GNPTAB: variants seen among roughly 807,000 people sequenced by gnomAD.
GNPTAB encodes the protein N-acetylglucosamine-1-phosphate transferase subunits alpha and beta, also known as N-acetylglucosamine-1-phosphotransferase subunits alpha/beta.
GNPTAB carries 92 observed loss-of-function variants against 136.6 expected under a neutral mutation model. That is an observed-to-expected ratio of 0.67 (90% CI 0.57 to 0.80). The LOEUF is 0.80. GNPTAB is among the 30% of genes least tolerant of loss of function. GNPTAB has a pLI of 0.00. For missense variants in GNPTAB, 1,343 were observed against 1,501.8 expected (o/e 0.89, Z 1.75); for synonymous variants, 512 against 535.1 (o/e 0.96, Z 0.60).
chr12:101,817,098 TTAGA>T (rs1004185878), intron 1 of GNPTAB, among the ~76,000 whole-genome samples: 65 of 150,400 alleles, frequency 4.3e-4, no homozygotes, highest in African/African-American at 1.6e-3. Context: ...ACAAAAATAG[TTAGA>T]TAGTCCTGGT....
chr12:101,828,700 CA>C (rs915738256), intron 1 of GNPTAB, among the ~76,000 whole-genome samples: 46 of 145,844 alleles, frequency 3.2e-4, no homozygotes, highest in African/African-American at 9.9e-4. Flanking sequence ...AAAAAACAAA[CA>C]AAAAAAAAAG....
chr12:101,762,021 T>A (rs1469424165), intron 13 of GNPTAB, among the ~76,000 whole-genome samples: 1 of 152,152 alleles, frequency 6.6e-6, no homozygotes, highest in African/African-American at 2.4e-5. Flanking sequence ...CAGTCACATA[T>A]GGAGGGTATT....
chr12:101,814,276 G>C (rs551925431), intron 1 of GNPTAB, among the ~76,000 whole-genome samples: 1 of 152,012 alleles, frequency 6.6e-6, no homozygotes, highest in Non-Finnish European at 1.5e-5. Context: ...TCCAGCCTGG[G>C]CAACGAGACT....
chr12:101,767,779 C>T (rs925721052), intron 11 of GNPTAB: 2 of 607,470 alleles, frequency 3.3e-6, no homozygotes, highest in South Asian at 2.0e-5. Flanking sequence ...TGCACCACCA[C>T]ACTTGGCTAA....
chr12:101,791,419 C>T (rs1868980890), intron 2 of GNPTAB, among the ~76,000 whole-genome samples: 1 of 150,452 alleles, frequency 6.6e-6, no homozygotes, highest in Non-Finnish European at 1.5e-5. Context: ...TTGTCTTGGG[C>T]CACACATAAA....
intron 2 of GNPTAB, among the ~76,000 whole-genome samples, chr12:101,792,971 G>A (rs1869076787): frequency 6.6e-6 from 1 of 152,070 alleles, no homozygotes; most frequent in African/African-American, 2.4e-5. Context: ...CTCAGGTAAT[G>A]CTGATGTTGC....
intron 1 of GNPTAB, among the ~76,000 whole-genome samples, chr12:101,801,471 T>C (rs1212577752): frequency 7.9e-6 from 1 of 126,150 alleles, no homozygotes; most frequent in Non-Finnish European, 1.6e-5. Context: ...GCCTAGGAGG[T>C]GGAAGTTGCA....
At chr12:101,815,552 C>A (rs1870472312) in intron 1 of GNPTAB, among the ~76,000 whole-genome samples, 1 of 150,868 alleles carries the variant, frequency 6.6e-6, no homozygotes, top group Non-Finnish European at 1.5e-5. Context: ...TTTGAGGCTG[C>A]AGTCTGCTAT....
At chr12:101,753,211 C>A (rs1952846222) in intron 19 of GNPTAB, among the ~76,000 whole-genome samples, 161 bp downstream of exon 19, 1 of 151,620 alleles carries the variant, frequency 6.6e-6, no homozygotes, top group Non-Finnish European at 1.5e-5. Context: ...TGAGGTTGCG[C>A]CATTGCACTC....
At chr12:101,788,729 A>T in intron 3 of GNPTAB, 140 bp from the exon 4 acceptor site, 2 of 662,292 alleles carry the variant, frequency 3.0e-6, no homozygotes, top group South Asian at 3.4e-5. Flanking sequence ...ATTTTCATGC[A>T]CTGGGAAAGT....
intron 1 of GNPTAB, chr12:101,810,631 G>C (rs1870180169): frequency 1.3e-5 from 2 of 151,432 alleles, no homozygotes; most frequent in South Asian, 4.2e-4. Context: ...TGGTGAATAA[G>C]ACAGAAAGGC....
intron 1 of GNPTAB, among the ~76,000 whole-genome samples, chr12:101,819,256 C>T (rs1870679256): frequency 1.3e-5 from 2 of 152,176 alleles, no homozygotes; most frequent in Non-Finnish European, 2.9e-5. Flanking sequence ...AGGTGATCCA[C>T]CTGCCCCGGC....
intron 18 of GNPTAB, among the ~76,000 whole-genome samples, chr12:101,755,000 T>C (rs1162321989): frequency 1.3e-5 from 2 of 152,190 alleles, no homozygotes; most frequent in Admixed American, 6.5e-5. Flanking sequence ...CACATAAGTC[T>C]TTATGAAAGT....
intron 1 of GNPTAB, among the ~76,000 whole-genome samples, chr12:101,817,265 C>CT (rs71438444): frequency 0.097 from 10,441 of 108,176 alleles, 1,066 homozygotes; most frequent in East Asian, 0.38. Flanking sequence ...TATCATTCCA[C>CT]TTTTTTTTTT....
chr12:101,769,151 C>A (rs182951233), intron 10 of GNPTAB, among the ~76,000 whole-genome samples: 144 of 152,246 alleles, frequency 9.5e-4, no homozygotes, highest in African/African-American at 2.3e-3. Flanking sequence ...TAACTTATCA[C>A]TGAACCCTTC....
At chr12:101,793,038 C>CT (rs1006410575) in intron 2 of GNPTAB, among the ~76,000 whole-genome samples, 6 of 152,140 alleles carry the variant, frequency 3.9e-5, no homozygotes, top group Non-Finnish European at 8.8e-5. Flanking sequence ...ACACACTTCG[C>CT]TTTTTTTCCC....
Position 101,757,623 on chromosome 12 carries a change from T to C in GNPTAB, c.3284A>G (p.Lys1095Arg). 1 of 1,585,814 alleles carries C rather than the reference T, an allele frequency of 6.3e-7. No homozygotes were observed. The highest frequency in any genetic ancestry group is 8.7e-7 in the Non-Finnish European group (1 of 1,154,452). The change falls in exon 17 of 21, where the codon AAA becomes AGA. Residue 1095 changes from lysine to arginine, a missense_variant. Transcript: ENST00000299314. ...PVTKSLVTNC[K>R]PVTDKIHKAY... ...TTTGTGGATTTTGTCAGTTACTGGT[T>C]TACAGTTTGTTACTAGACTTTTAGT... is the stretch of plus-strand genomic sequence containing the variant.
At chr12:101,768,197 G>A in intron 10 of GNPTAB, 37 bp from the exon 11 acceptor site, 3 of 1,607,454 alleles carry the variant, frequency 1.9e-6, no homozygotes, top group Non-Finnish European at 2.6e-6. Context: ...AATGACTTCT[G>A]GCTTCTGATA....
Position 101,764,183 on chromosome 12 carries a change from G to A in GNPTAB, c.2715+19C>T, listed in dbSNP as rs1409950483. 1 of 1,613,264 alleles carries A rather than the reference G, an allele frequency of 6.2e-7. No individual in the cohort carries two copies. Among genetic ancestry groups the A allele is most frequent in the Non-Finnish European group, 8.5e-7 (1 of 1,179,966 alleles). ...ACTCTTCCTGAGCATGAGAAAGAAT[G>A]AGGCTGGATGTTACTTACGTCGAGA... On this transcript the variant is annotated intron_variant, in intron 13 of 20. Transcript: ENST00000299314.
Sources: gnomAD v4.1 joint callset for allele counts (sites outside exome capture counted in the v4.1 genomes callset) on GRCh38, gnomAD v4.1.1 for gene constraint, MANE v1.5 for transcripts, NCBI Gene and HGNC (gene_info 2026-07-23, HGNC 2026-07-21) for gene names.